Variants in GINS3 observed in about 807,000 individuals in gnomAD.
GINS3 encodes GINS complex subunit 3, also known as DNA replication complex GINS protein PSF3.
Under a neutral mutation model 20.0 loss-of-function variants are expected in GINS3, and 18 were observed. The observed-to-expected ratio is 0.90, with a 90% CI of 0.62 to 1.33. The LOEUF (loss-of-function observed/expected upper bound fraction) is 1.33. Ranked by LOEUF, GINS3 falls within the 40% of genes most tolerant of loss-of-function variation. The pLI, the probability that GINS3 is intolerant of heterozygous loss-of-function variation, is 0.00. For missense variants in GINS3, 254 were observed against 273.6 expected (o/e 0.93, Z 0.51); for synonymous variants, 109 against 107.0 (o/e 1.02, Z -0.12).
intron 1 of GINS3, 22 bp downstream of exon 1, chr16:58,392,809 C>G (rs760040370): frequency 6.4e-7 from 1 of 1,568,606 alleles, no homozygotes; most frequent in South Asian, 1.1e-5. Flanking sequence ...GGTGCGGGGT[C>G]CTGCCCGGAA....
intron 1 of GINS3, among the ~76,000 whole-genome samples, chr16:58,398,790 G>C (rs8063438): frequency 6.6e-6 from 1 of 151,708 alleles, no homozygotes; most frequent in African/African-American, 2.4e-5. Flanking sequence ...TAATTCCACC[G>C]TGGCCAGAAA....
At chr16:58,396,441 C>T (rs1965861235) in intron 1 of GINS3, among the ~76,000 whole-genome samples, 1 of 95,512 alleles carries the variant, frequency 1.0e-5, no homozygotes, top group East Asian at 3.7e-4. Context: ...GGCAGAGGGG[C>T]TCCTCACTTC....
intron 1 of GINS3, among the ~76,000 whole-genome samples, chr16:58,402,032 G>T (rs9940751): frequency 0.09 from 13,748 of 151,994 alleles, 813 homozygotes; most frequent in African/African-American, 0.17. Flanking sequence ...GTTGAACTTT[G>T]TCTTTCTTTT....
In GINS3 at chr16:58,395,272, CTTTT is replaced by C. The variant is rs111843649; in HGVS notation, c.186+2496_186+2499del. On this transcript the variant is annotated intron_variant, in intron 1 of 2. Coordinates refer to ENST00000318129, the MANE Select transcript of GINS3 (RefSeq NM_022770.4). ...TGTATTTTTTTTTTGTCTAAATTTT[CTTTT>C]TTTTTTTTTTCTATTTGTACATTTG... 7.1e-4 allele frequency: 164 copies of C among 229,692 alleles called. 1 individual carries two copies. The highest frequency in any genetic ancestry group is 5.1e-3 in the African/African-American group (145 of 28,276). The allele number at this position is 229,692 out of a possible 1,614,324, so 14.2% of individuals were successfully genotyped here.
intron 1 of GINS3, 170 bp downstream of exon 1, chr16:58,392,957 G>A: frequency 7.6e-6 from 5 of 659,464 alleles, no homozygotes; most frequent in Non-Finnish European, 7.6e-6. Context: ...GTCCCTTCGC[G>A]CTCGGGGTGG....
chr16:58,402,568 C>G (rs1965971314), intron 1 of GINS3, among the ~76,000 whole-genome samples: 1 of 152,118 alleles, frequency 6.6e-6, no homozygotes, highest in Admixed American at 6.5e-5. Context: ...ACCACCTCAT[C>G]TTGTTTTCTA....
At chr16:58,400,173 T>C (rs889953268) in intron 1 of GINS3, among the ~76,000 whole-genome samples, 1 of 152,164 alleles carries the variant, frequency 6.6e-6, no homozygotes, top group East Asian at 1.9e-4. Flanking sequence ...ACTCAGCATA[T>C]AGTCACACTC....
At chr16:58,392,830 T>A in intron 1 of GINS3, 43 bp downstream of exon 1, 1 of 1,528,508 alleles carries the variant, frequency 6.5e-7, no homozygotes, top group Non-Finnish European at 8.8e-7. Context: ...AGACTGCAGC[T>A]CCCGGCGGGC....
intron 1 of GINS3, among the ~76,000 whole-genome samples, chr16:58,394,323 G>A (rs1023009763): frequency 6.6e-6 from 1 of 151,928 alleles, no homozygotes; most frequent in African/African-American, 2.4e-5. Context: ...TCTTTGGTTT[G>A]GGGGTAGTTT....
Position 58,404,724 on chromosome 16 carries a change from G to T in GINS3, c.646G>T (p.Asp216Tyr), listed in dbSNP as rs933732998. ...GAAGAGAAAATTCACTGATATGGAAGACTGAAAGCCGGAAGAACACAGAAT... is the reference window on the plus strand; with the variant it reads ...GAAGAGAAAATTCACTGATATGGAATACTGAAAGCCGGAAGAACACAGAAT... Reference protein sequence around the residue: ...YKKRKFTDMED With the variant: ...YKKRKFTDMEY The change falls in exon 3 of 3, where the codon GAC (aspartate) becomes TAC (tyrosine). Residue 216 changes from aspartate (D) to tyrosine (Y), a missense_variant. Physicochemically the swap from Asp to Tyr is radical, Grantham distance 160. Coordinates refer to ENST00000318129, the MANE Select transcript of GINS3 (RefSeq NM_022770.4). 3 of 1,612,182 alleles carry T rather than the reference G, an allele frequency of 1.9e-6. No homozygotes were observed. The South Asian group carries it at 3.3e-5, about 18-fold the overall frequency.
At chr16:58,393,389 A>G (rs62042600) in intron 1 of GINS3, among the ~76,000 whole-genome samples, 1,985 of 152,292 alleles carry the variant, frequency 0.013, 10 homozygotes, top group Non-Finnish European at 0.021. Context: ...TCGGAACCCA[A>G]GGCCATATGG....
intron 1 of GINS3, among the ~76,000 whole-genome samples, chr16:58,397,675 C>T (rs1035085386): frequency 2.0e-4 from 31 of 152,148 alleles, no homozygotes; most frequent in Admixed American, 1.2e-3. Context: ...GGCGTGGCGG[C>T]GCGCGCCTGC....
intron 1 of GINS3, among the ~76,000 whole-genome samples, chr16:58,396,559 C>CG (rs765567381): frequency 0.99 from 29,838 of 30,076 alleles, 14,837 homozygotes; most frequent in Middle Eastern, 1. Flanking sequence ...GCTGGTCGGG[C>CG]GGGGGCTGAT....
At chr16:58,397,173 G>T (rs1238270546) in intron 1 of GINS3, among the ~76,000 whole-genome samples, 1 of 150,540 alleles carries the variant, frequency 6.6e-6, no homozygotes, top group Non-Finnish European at 1.5e-5. Flanking sequence ...CTCAGACGGG[G>T]TGGTTGCCAG....
chr16:58,401,873 GTATT>G (rs151098195), intron 1 of GINS3, among the ~76,000 whole-genome samples: 1,821 of 152,232 alleles, frequency 0.012, 47 homozygotes, highest in African/African-American at 0.041. Flanking sequence ...GATTTTATTA[GTATT>G]TATTCTATTA....
rs1033083860 is a variant in GINS3 at position 58,392,785 on chromosome 16, C to T, written c.184C>T (p.Gln62Ter). 8 of 1,602,384 alleles carry T rather than the reference C, an allele frequency of 5.0e-6. No homozygotes were observed. Among genetic ancestry groups the T allele is most frequent in the Middle Eastern group, 1.7e-4 (1 of 5,974 alleles). Reference sequence around the variant, plus strand: ...CGCCGAGACTGACAACGCGGTCCCACAGGTGAGCCTTTGGGTGCGGGGTCC... The same window carrying T: ...CGCCGAGACTGACAACGCGGTCCCATAGGTGAGCCTTTGGGTGCGGGGTCC... ...AGAETDNAVP[Q>*]GSKLELPLWL... The change falls in exon 1 of 3, where the codon CAG becomes TAG. Residue 62 changes from glutamine to a stop codon, truncating the protein, a stop_gained and splice_region_variant. Coordinates refer to ENST00000318129, the MANE Select transcript of GINS3 (RefSeq NM_022770.4). LOFTEE classifies it high-confidence loss of function.
intron 1 of GINS3, among the ~76,000 whole-genome samples, chr16:58,400,334 T>C (rs556003739): frequency 6.6e-6 from 1 of 152,330 alleles, no homozygotes; most frequent in African/African-American, 2.4e-5. Context: ...TCTCCAGTAA[T>C]TTGAATTCTG....
At chr16:58,401,121 T>A (rs538550565) in intron 1 of GINS3, among the ~76,000 whole-genome samples, 1 of 152,196 alleles carries the variant, frequency 6.6e-6, no homozygotes, top group Admixed American at 6.5e-5. Flanking sequence ...GGGTTCTTGG[T>A]CTCGCTGGTC....
intron 2 of GINS3, chr16:58,403,623 A>T (rs1965987180): frequency 2.7e-6 from 1 of 376,800 alleles, no homozygotes; most frequent in African/African-American, 2.1e-5. Flanking sequence ...ATGGCCAGGC[A>T]TGGTGGCTCA....
Sources: allele counts gnomAD v4.1 joint callset (sites outside exome capture counted in the v4.1 genomes callset), GRCh38; gene constraint gnomAD v4.1.1; transcripts MANE v1.5; gene names NCBI Gene and HGNC (gene_info 2026-07-23, HGNC 2026-07-21).